Variants in KCNK9 observed in about 807,000 individuals in gnomAD.
KCNK9 encodes potassium channel subfamily K member 9.
A neutral mutation model predicts 10.8 loss-of-function variants in KCNK9; 1 was observed. The ratio of observed to expected loss-of-function variants is 0.09; its 90% confidence interval spans 0.03 to 0.44. The LOEUF (loss-of-function observed/expected upper bound fraction) is 0.44, where lower values mean the gene tolerates loss of function less well. KCNK9 is among the 20% of genes least tolerant of loss of function. The probability of loss-of-function intolerance (pLI) is 0.97; values close to 1 mark genes in which losing one functional copy is unlikely to be tolerated. For missense variants in KCNK9, 303 were observed against 515.0 expected (o/e 0.59, Z 3.98); for synonymous variants, 231 against 222.7 (o/e 1.04, Z -0.33).
chr8:139,622,075 T>C (rs1418915140), intron 1 of KCNK9, among the ~76,000 whole-genome samples: 1 of 152,210 alleles, frequency 6.6e-6, no homozygotes, highest in African/African-American at 2.4e-5. Flanking sequence ...CTTATGTCAA[T>C]TCTCCTGCCG....
intron 1 of KCNK9, among the ~76,000 whole-genome samples, chr8:139,663,648 CGTGTGTGTGTGTGT>C (rs34660685): frequency 2.2e-5 from 3 of 137,506 alleles, no homozygotes; most frequent in Admixed American, 7.2e-5. Flanking sequence ...CGCGTGCGCA[CGTGTGTGTGTGTGT>C]GTGTGTGTGT....
rs1040963076 is a variant in KCNK9 at position 139,693,084 on chromosome 8, AC to A, written c.283+9625del. On this transcript the variant is annotated intron_variant, in intron 1 of 1. Transcript: ENST00000520439. This position sits in a 1 kb window ranked among gnomAD's most constrained non-coding sequence, Gnocchi z 4.1. ...ACAAGCTCATCCCAGATGTATGCCC[AC>A]CTTCCACACCTCTGACAAACACCAC... Among the ~76,000 whole-genome samples, 1 of 152,020 alleles carries A rather than the reference AC, an allele frequency of 6.6e-6. No individual in the cohort carries two copies. Among genetic ancestry groups the A allele is most frequent in the African/African-American group, 2.4e-5 (1 of 41,390 alleles).
At chr8:139,700,520 G>GCACACA (rs765602878) in intron 1 of KCNK9, among the ~76,000 whole-genome samples, 6 of 141,320 alleles carry the variant, frequency 4.2e-5, no homozygotes, top group Non-Finnish European at 9.3e-5. Flanking sequence ...GCGCGCGCGC[G>GCACACA]CACACACACA....
intron 1 of KCNK9, among the ~76,000 whole-genome samples, chr8:139,621,959 C>T (rs1454080608): frequency 6.6e-6 from 1 of 152,174 alleles, no homozygotes; most frequent in Non-Finnish European, 1.5e-5. Context: ...AAACTGCATA[C>T]CAGGTGCCAG....
chr8:139,654,790 C>T (rs972878717), intron 1 of KCNK9, among the ~76,000 whole-genome samples: 5 of 152,220 alleles, frequency 3.3e-5, no homozygotes, highest in African/African-American at 7.2e-5. Context: ...CATGCTACCC[C>T]GGGGCCTAGC....
chr8:139,698,086 C>T (rs1260781404), intron 1 of KCNK9, among the ~76,000 whole-genome samples: 1 of 152,198 alleles, frequency 6.6e-6, no homozygotes, highest in Non-Finnish European at 1.5e-5. Flanking sequence ...TGGACTACTC[C>T]AGGAGCCCAG....
rs374518462 is a variant in KCNK9 at position 139,618,607 on chromosome 8, T to C, written c.776A>G (p.Glu259Gly). The change falls in exon 2 of 2, where the codon GAA (glutamate) becomes GGA (glycine). Residue 259 changes from glutamate (E) to glycine (G), a missense_variant. Physicochemically the swap from Glu to Gly is moderately conservative, Grantham distance 98. This residue lies in a region of KCNK9 where 138 missense variants were observed against 161.1 expected (regional missense o/e 0.86). Transcript: ENST00000520439. The surrounding 1 kb of genome is among the most constrained non-coding windows in gnomAD (Gnocchi z 7.9). ...MNSEDERRDA[E>G]ERASLAGNRN... Reference sequence around the variant, plus strand: ...GTTTCCGGCGAGGGATGCCCTCTCTTCAGCATCCCGCCGCTCATCCTCACT... The same window carrying C: ...GTTTCCGGCGAGGGATGCCCTCTCTCCAGCATCCCGCCGCTCATCCTCACT... The C allele has an allele frequency of 1.2e-6, 2 of 1,613,978 alleles. No individual in the cohort carries two copies. The highest frequency in any genetic ancestry group is 1.7e-6 in the Non-Finnish European group (2 of 1,180,010).
At chr8:139,655,448 C>G (rs945841488) in intron 1 of KCNK9, among the ~76,000 whole-genome samples, 2 of 152,084 alleles carry the variant, frequency 1.3e-5, no homozygotes, top group Non-Finnish European at 2.9e-5. Flanking sequence ...TTTTCTGGAG[C>G]GCTGAGGTGG....
intron 1 of KCNK9, among the ~76,000 whole-genome samples, chr8:139,634,715 A>T (rs938680728): frequency 6.6e-6 from 1 of 152,096 alleles, no homozygotes; most frequent in East Asian, 1.9e-4. Context: ...ACAGCTAGAC[A>T]TGGGAGGCTC....
At chr8:139,620,730 C>T (rs865782266) in intron 1 of KCNK9, among the ~76,000 whole-genome samples, 2 of 152,188 alleles carry the variant, frequency 1.3e-5, no homozygotes, top group Non-Finnish European at 2.9e-5. Context: ...TCCCAGCTAG[C>T]GCTGAGCTCT....
chr8:139,662,813 G>A (rs1319169589), intron 1 of KCNK9, among the ~76,000 whole-genome samples: 10 of 150,212 alleles, frequency 6.7e-5, no homozygotes, highest in South Asian at 4.3e-4. Context: ...AGTGAGGTGC[G>A]GGGGACAGGG....
intron 1 of KCNK9, among the ~76,000 whole-genome samples, chr8:139,630,619 A>C (rs756106679): frequency 3.3e-5 from 5 of 152,206 alleles, no homozygotes; most frequent in Non-Finnish European, 5.9e-5. Context: ...TTGGGGTGGC[A>C]GCTCGGAGAG....
At chr8:139,657,964 G>T (rs1361227847) in intron 1 of KCNK9, among the ~76,000 whole-genome samples, 3 of 152,190 alleles carry the variant, frequency 2.0e-5, no homozygotes, top group Non-Finnish European at 2.9e-5. Context: ...AGGCAGAGGA[G>T]ATGACATGGT....
At chr8:139,609,986 A>C (rs1320051795), downstream of KCNK9, among the ~76,000 whole-genome samples, 1 of 152,118 alleles carries the variant, frequency 6.6e-6, no homozygotes, top group East Asian at 1.9e-4. Flanking sequence ...CAAATCACAA[A>C]GACAAAATCT....
At chr8:139,690,010 C>A (rs1816904486) in intron 1 of KCNK9, among the ~76,000 whole-genome samples, 1 of 152,188 alleles carries the variant, frequency 6.6e-6, no homozygotes, top group Non-Finnish European at 1.5e-5. Context: ...GCCTGCAGAC[C>A]AGTAATGGGT....
chr8:139,637,739 A>C (rs1815380980), intron 1 of KCNK9, among the ~76,000 whole-genome samples: 6 of 144,014 alleles, frequency 4.2e-5, no homozygotes, highest in African/African-American at 1.5e-4. Context: ...CTAAAAGGAT[A>C]GATCTTAAGT....
At chr8:139,636,407 C>T (rs537861164) in intron 1 of KCNK9, among the ~76,000 whole-genome samples, 7 of 152,358 alleles carry the variant, frequency 4.6e-5, no homozygotes, top group East Asian at 3.9e-4. Flanking sequence ...CCCCATACCC[C>T]GGCCCCCTGC....
Position 139,693,225 on chromosome 8 carries a change from A to T in KCNK9, c.283+9485T>A, listed in dbSNP as rs1437889322. Among the ~76,000 whole-genome samples the T allele has an allele frequency of 6.6e-6, 1 of 152,130 alleles. No homozygotes were observed. Among genetic ancestry groups the T allele is most frequent in the Non-Finnish European group, 1.5e-5 (1 of 68,028 alleles). On this transcript the variant is annotated intron_variant, in intron 1 of 1. Coordinates refer to ENST00000520439, the MANE Select transcript of KCNK9 (RefSeq NM_001282534.2). This position sits in a 1 kb window ranked among gnomAD's most constrained non-coding sequence, Gnocchi z 4.1. The stretch of plus-strand genomic sequence containing the variant: ...GCCAAAGTCCATTTCACAAGTAGGC[A>T]TCTCTTCCTGCCAGATGCCCTGCAG...
At chr8:139,663,735 A>G (rs1316152431) in intron 1 of KCNK9, among the ~76,000 whole-genome samples, 7 of 151,252 alleles carry the variant, frequency 4.6e-5, no homozygotes, top group African/African-American at 1.7e-4. Flanking sequence ...TCCAGCCTTA[A>G]CTCAGTGTCG....
Sources: allele counts gnomAD v4.1 joint callset (sites outside exome capture counted in the v4.1 genomes callset), GRCh38; gene constraint gnomAD v4.1.1; regional missense constraint gnomAD v4.1.1; non-coding constraint Gnocchi (gnomAD v3.1); transcripts MANE v1.5; gene names NCBI Gene and HGNC (gene_info 2026-07-23, HGNC 2026-07-21).